DLC1: variants seen among roughly 807,000 people sequenced by gnomAD.
The protein encoded by DLC1 is rho GTPase-activating protein 7.
DLC1 carries 54 observed loss-of-function variants against 140.3 expected under a neutral mutation model. The observed-to-expected ratio is 0.38, with a 90% CI of 0.31 to 0.48. DLC1 has a LOEUF of 0.48. Ranked by LOEUF, DLC1 falls within the 20% of genes least tolerant of loss-of-function variation. DLC1 has a pLI of 0.96. For missense variants in DLC1, 2,536 were observed against 1,907.0 expected (o/e 1.33, Z -6.14); for synonymous variants, 986 against 728.1 (o/e 1.35, Z -5.70).
At chr8:13,180,186 G>C (rs536567163) in intron 5 of DLC1, among the ~76,000 whole-genome samples, 24 of 152,290 alleles carry the variant, frequency 1.6e-4, no homozygotes, top group African/African-American at 4.6e-4. Context: ...CTTTAGTGCA[G>C]TCAAACTACT....
intron 5 of DLC1, among the ~76,000 whole-genome samples, chr8:13,228,120 G>A (rs1429170339): frequency 1.3e-5 from 2 of 152,052 alleles, no homozygotes; most frequent in Admixed American, 6.6e-5. Flanking sequence ...AATAATTATT[G>A]TTGGAACAAA....
chr8:13,404,984 G>T lies in DLC1; in HGVS notation c.1024-3365C>A, dbSNP rs148044743. On this transcript the variant is annotated intron_variant, in intron 2 of 17. Transcript: ENST00000276297. ...ATCGTGCCATTGTACTCCAGCATGG[G>T]CAATGAGAGTGAAACTCCATCTCAG... is the stretch of plus-strand genomic sequence containing the variant. Among the ~76,000 whole-genome samples, 26 of 152,128 alleles carry T rather than the reference G, an allele frequency of 1.7e-4. 1 individual carries two copies. Among genetic ancestry groups the T allele is most frequent in the African/African-American group, 6.0e-4 (25 of 41,502 alleles).
intron 5 of DLC1, among the ~76,000 whole-genome samples, chr8:13,174,034 T>C (rs1463410192): frequency 2.6e-5 from 4 of 152,108 alleles, no homozygotes; most frequent in Non-Finnish European, 5.9e-5. Flanking sequence ...CCCCCTATTA[T>C]AGTCCCCAGT....
At chr8:13,265,972 T>C (rs888343750) in intron 5 of DLC1, among the ~76,000 whole-genome samples, 2 of 152,220 alleles carry the variant, frequency 1.3e-5, no homozygotes, top group Non-Finnish European at 2.9e-5. Flanking sequence ...TTACCCTCTA[T>C]GTTTATCTTC....
chr8:13,273,560 A>G (rs1284406696), intron 5 of DLC1, among the ~76,000 whole-genome samples: 3 of 152,194 alleles, frequency 2.0e-5, no homozygotes, highest in East Asian at 1.9e-4. Context: ...TATATTGTTT[A>G]TAAAAGGCTG....
At chr8:13,313,014 A>G (rs1832742162) in intron 4 of DLC1, among the ~76,000 whole-genome samples, 1 of 152,142 alleles carries the variant, frequency 6.6e-6, no homozygotes, top group Non-Finnish European at 1.5e-5. Flanking sequence ...ACTCCTCATA[A>G]TGATTCATTT....
chr8:13,095,965 G>C (rs1468985214), intron 10 of DLC1: 2 of 152,132 alleles, frequency 1.3e-5, no homozygotes, highest in African/African-American at 4.8e-5. Flanking sequence ...AGGAACAATG[G>C]GGGTTTTGTG....
chr8:13,324,293 G>A (rs936543764), intron 4 of DLC1, among the ~76,000 whole-genome samples: 3 of 152,184 alleles, frequency 2.0e-5, no homozygotes, highest in Admixed American at 2.0e-4. Flanking sequence ...AATCGGCCAG[G>A]CGTGGTGGCT....
At chr8:13,109,908 AAAC>A (rs543814329) in intron 7 of DLC1, among the ~76,000 whole-genome samples, 49 of 152,258 alleles carry the variant, frequency 3.2e-4, no homozygotes, top group Non-Finnish European at 5.4e-4. Context: ...ACAAAAACAG[AAAC>A]AAAAAAAACA....
chr8:13,299,665 A>G (rs1268054868), intron 5 of DLC1, among the ~76,000 whole-genome samples: 1 of 152,104 alleles, frequency 6.6e-6, no homozygotes, highest in African/African-American at 2.4e-5. Flanking sequence ...GAAAAAATAG[A>G]AAATATCAGA....
intron 2 of DLC1, among the ~76,000 whole-genome samples, chr8:13,496,840 ACC>A (rs1801537583): frequency 1.8e-5 from 2 of 113,242 alleles, no homozygotes; most frequent in Non-Finnish European, 3.3e-5. Context: ...TCGCTGTGTC[ACC>A]CAGGCTGGAG....
chr8:13,566,946 C>G (rs911488627), intron 1 of DLC1: 1 of 1,495,202 alleles, frequency 6.7e-7, no homozygotes, highest in African/African-American at 1.4e-5. Context: ...CTGAGCCAGT[C>G]TTAACCTGGG....
intron 1 of DLC1, among the ~76,000 whole-genome samples, chr8:13,523,665 C>G (rs1802827418): frequency 6.6e-6 from 1 of 151,986 alleles, no homozygotes; most frequent in Admixed American, 6.6e-5. Context: ...AGAGGTCACT[C>G]TTGATATTGA....
At chr8:13,585,146 T>C (rs1805253987) in intron 1 of DLC1, among the ~76,000 whole-genome samples, 4 of 152,216 alleles carry the variant, frequency 2.6e-5, no homozygotes, top group Admixed American at 2.6e-4. Context: ...TAATACAATG[T>C]GGTCAATATA....
chr8:13,587,989 C>G (rs1034511071), intron 1 of DLC1, among the ~76,000 whole-genome samples: 3 of 151,996 alleles, frequency 2.0e-5, no homozygotes, highest in African/African-American at 7.2e-5. Flanking sequence ...GTATATAGAT[C>G]AAATTCCAAA....
At chr8:13,505,206 C>T (rs1156743799) in intron 1 of DLC1, among the ~76,000 whole-genome samples, 2 of 151,782 alleles carry the variant, frequency 1.3e-5, no homozygotes, top group African/African-American at 2.4e-5. Flanking sequence ...AAATAGTAAA[C>T]ATTAAATTAA....
chr8:13,137,548 C>G (rs189455988), intron 5 of DLC1, among the ~76,000 whole-genome samples: 6 of 150,792 alleles, frequency 4.0e-5, no homozygotes, highest in Middle Eastern at 3.5e-3. Context: ...GTGCTGTTCA[C>G]TGCCTGTCAT....
intron 5 of DLC1, among the ~76,000 whole-genome samples, chr8:13,270,163 C>T (rs1342191412): frequency 6.6e-6 from 1 of 152,104 alleles, no homozygotes; most frequent in Admixed American, 6.5e-5. Flanking sequence ...CTTTTAAATC[C>T]AGTCTTTGCT....
At chr8:13,129,341 C>A (rs920779571) in intron 5 of DLC1, among the ~76,000 whole-genome samples, 4 of 152,156 alleles carry the variant, frequency 2.6e-5, no homozygotes, top group African/African-American at 9.7e-5. Context: ...AATTTCATAG[C>A]CATGGAAAAG....
Sources: allele counts gnomAD v4.1 joint callset (sites outside exome capture counted in the v4.1 genomes callset), GRCh38; gene constraint gnomAD v4.1.1; transcripts MANE v1.5; gene names NCBI Gene and HGNC (gene_info 2026-07-23, HGNC 2026-07-21).